The following PTPRD variants were observed in gnomAD, a reference collection of about 807,000 sequenced individuals.
PTPRD encodes receptor-type tyrosine-protein phosphatase delta.
Under a neutral mutation model 214.5 loss-of-function variants are expected in PTPRD, and 34 were observed. The observed-to-expected ratio is 0.16, with a 90% confidence interval of 0.12 to 0.21. The LOEUF (loss-of-function observed/expected upper bound fraction) is 0.21. Among genes scored for constraint, PTPRD ranks in the 10% least tolerant of loss-of-function variants. PTPRD has a pLI of 1.00. For missense variants in PTPRD, 2,545 were observed against 2,398.7 expected, an observed-to-expected ratio of 1.06 and a Z score of -1.27; for synonymous variants, 1,128 against 845.7, an observed-to-expected ratio of 1.33 and a Z score of -5.79.
At chr9:9,252,738 T>A (rs2099976011) in intron 9 of PTPRD, among the ~76,000 whole-genome samples, 1 of 152,000 alleles carries the variant, frequency 6.6e-6, no homozygotes, top group Non-Finnish European at 1.5e-5. Flanking sequence ...ACCTCCACCT[T>A]CCAAAATAAA....
chr9:10,007,936 C>T (rs2096522838), intron 4 of PTPRD, among the ~76,000 whole-genome samples: 1 of 151,880 alleles, frequency 6.6e-6, no homozygotes, highest in Non-Finnish European at 1.5e-5. Context: ...ATTTTCTCAT[C>T]ATATTTCTAT....
intron 12 of PTPRD, among the ~76,000 whole-genome samples, chr9:8,708,890 T>C (rs544977455): frequency 6.6e-6 from 1 of 152,172 alleles, no homozygotes; most frequent in South Asian, 2.1e-4. Flanking sequence ...TCCTATTATG[T>C]ACACAGTGAA....
At chr9:8,697,187 C>G (rs1379055001) in intron 12 of PTPRD, among the ~76,000 whole-genome samples, 2 of 152,008 alleles carry the variant, frequency 1.3e-5, no homozygotes, top group African/African-American at 4.8e-5. Context: ...AAGAATAAAT[C>G]TAATTTCTGA....
At chr9:8,848,113 T>A (rs2097735414) in intron 11 of PTPRD, among the ~76,000 whole-genome samples, 1 of 152,072 alleles carries the variant, frequency 6.6e-6, no homozygotes, top group African/African-American at 2.4e-5. Context: ...CCCAGAGCTC[T>A]GGCAGTTGTA....
At chr9:9,646,740 CTG>C (rs1477947593) in intron 7 of PTPRD, among the ~76,000 whole-genome samples, 2 of 152,118 alleles carry the variant, frequency 1.3e-5, no homozygotes, top group African/African-American at 2.4e-5. Flanking sequence ...CCTACGTACA[CTG>C]TGTTTTTTCC....
chr9:10,201,279 G>A (rs1204668627), intron 3 of PTPRD, among the ~76,000 whole-genome samples: 1 of 151,838 alleles, frequency 6.6e-6, no homozygotes, highest in African/African-American at 2.4e-5. Context: ...ATAAGATAAA[G>A]TCACTTAAAA....
rs538683404 is a variant in PTPRD at position 9,066,220 on chromosome 9, T to C, written c.-142-47485A>G. Among the ~76,000 whole-genome samples, 24 of 152,304 alleles carry C rather than the reference T, an allele frequency of 1.6e-4. No homozygotes were observed. In the South Asian group the frequency reaches 2.9e-3, roughly 18 times the overall value. ...TAGGATGGGTCCTTTTTTTATTCCC[T>C]GGAAGATTTTGTGTAGGATCGGTGT... On this transcript the variant is annotated intron_variant, in intron 10 of 45. Coordinates refer to ENST00000381196, the MANE Select transcript of PTPRD (RefSeq NM_002839.4).
At chr9:9,600,848 G>C (rs2093693011) in intron 7 of PTPRD, among the ~76,000 whole-genome samples, 1 of 152,028 alleles carries the variant, frequency 6.6e-6, no homozygotes, top group Non-Finnish European at 1.5e-5. Context: ...GCTGTGATAA[G>C]GATGTGTCAA....
intron 4 of PTPRD, among the ~76,000 whole-genome samples, chr9:10,012,962 G>T (rs1179548395): frequency 6.6e-6 from 1 of 151,788 alleles, no homozygotes; most frequent in African/African-American, 2.4e-5. Context: ...ATCATGAATA[G>T]ATAAATAAAA....
intron 2 of PTPRD, among the ~76,000 whole-genome samples, chr9:10,387,142 G>T (rs886370409): frequency 6.6e-6 from 1 of 151,778 alleles, no homozygotes; most frequent in South Asian, 2.1e-4. Flanking sequence ...TTAGCCCAGT[G>T]ATTCCCATTG....
intron 14 of PTPRD, among the ~76,000 whole-genome samples, chr9:8,552,695 A>C (rs2082466660): frequency 7.0e-6 from 1 of 143,252 alleles, no homozygotes; most frequent in African/African-American, 2.9e-5. Flanking sequence ...TGGAGGAAAG[A>C]AGAAGCCAAA....
intron 2 of PTPRD, among the ~76,000 whole-genome samples, chr9:10,579,186 C>G (rs1247407258): frequency 6.6e-6 from 1 of 152,144 alleles, no homozygotes; most frequent in African/African-American, 2.4e-5. Context: ...ATAGATGAAG[C>G]TGGAAGCCAT....
chr9:8,528,983 A>C (rs1212046740), intron 14 of PTPRD, among the ~76,000 whole-genome samples: 2 of 152,090 alleles, frequency 1.3e-5, no homozygotes, highest in Non-Finnish European at 2.9e-5. Flanking sequence ...ACAGACTAAC[A>C]CAGAGCTCAG....
At chr9:8,503,846 C>G (rs575897090) in intron 23 of PTPRD, among the ~76,000 whole-genome samples, 2 of 152,230 alleles carry the variant, frequency 1.3e-5, no homozygotes, top group South Asian at 2.1e-4. Flanking sequence ...AAAGCTAAAG[C>G]CTGTGTGCTT....
chr9:8,940,244 A>C (rs1313179824), intron 11 of PTPRD, among the ~76,000 whole-genome samples: 1 of 143,446 alleles, frequency 7.0e-6, no homozygotes, highest in Non-Finnish European at 1.5e-5. Flanking sequence ...GACTAAATTG[A>C]CTAAGGCATT....
intron 11 of PTPRD, among the ~76,000 whole-genome samples, chr9:9,015,601 A>T (rs1191177129): frequency 6.6e-6 from 1 of 151,992 alleles, no homozygotes; most frequent in Non-Finnish European, 1.5e-5. Flanking sequence ...TTTCCTAATA[A>T]ATTTGTTTTC....
At chr9:9,402,976 A>G (rs1399831072) in intron 8 of PTPRD, among the ~76,000 whole-genome samples, 3 of 140,454 alleles carry the variant, frequency 2.1e-5, no homozygotes, top group African/African-American at 8.1e-5. Flanking sequence ...GAAAAAAAAA[A>G]AAAAAAAAAA....
At chr9:8,407,860 C>T (rs779456953) in intron 35 of PTPRD, among the ~76,000 whole-genome samples, 119 of 152,232 alleles carry the variant, frequency 7.8e-4, no homozygotes, top group Non-Finnish European at 1.3e-3. Flanking sequence ...AAACACAACA[C>T]GGGTCATTAT....
chr9:9,185,872 T>C lies in PTPRD; in HGVS notation c.-202-2509A>G, dbSNP rs12238407. On this transcript the variant is annotated intron_variant, in intron 9 of 45. Coordinates refer to ENST00000381196, the MANE Select transcript of PTPRD (RefSeq NM_002839.4). ...CATAGACATTTTAGATAATTTTTTT[T>C]CTTTTTTTTTTTGCCTCTCAGACCA... Among the ~76,000 whole-genome samples the C allele has an allele frequency of 6.4e-4, 69 of 107,504 alleles. 5 individuals are homozygous for C. The highest frequency in any genetic ancestry group is 4.6e-3 in the East Asian group (15 of 3,278). 70.5% of individuals were successfully genotyped at this position (107,504 alleles called of 152,430 possible).
Sources: gnomAD v4.1 joint callset for allele counts (sites outside exome capture counted in the v4.1 genomes callset) on GRCh38, gnomAD v4.1.1 for gene constraint, MANE v1.5 for transcripts, NCBI Gene and HGNC (gene_info 2026-07-23, HGNC 2026-07-21) for gene names.